The following SEPTIN11 variants were observed in gnomAD, a reference collection of about 807,000 sequenced individuals.
The protein encoded by SEPTIN11 is septin-11.
Under a neutral mutation model 51.4 loss-of-function variants are expected in SEPTIN11, and 25 were observed. The observed-to-expected ratio is 0.49, with a 90% CI of 0.35 to 0.68. The LOEUF (loss-of-function observed/expected upper bound fraction) is 0.68, where lower values mean the gene tolerates loss of function less well. Among genes scored for constraint, SEPTIN11 ranks in the 30% least tolerant of loss-of-function variants. SEPTIN11 has a pLI of 0.00. For missense variants in SEPTIN11, 381 were observed against 520.8 expected, an observed-to-expected ratio of 0.73 and a Z score of 2.61; for synonymous variants, 174 against 184.1, an observed-to-expected ratio of 0.95 and a Z score of 0.44.
intron 1 of SEPTIN11, among the ~76,000 whole-genome samples, chr4:76,990,517 C>T (rs542637654): frequency 1.3e-5 from 2 of 152,266 alleles, no homozygotes; most frequent in African/African-American, 2.4e-5. Context: ...TCAGCATTAC[C>T]GCCTGAGTTC....
chr4:76,954,142 G>A (rs1721462580), intron 1 of SEPTIN11, among the ~76,000 whole-genome samples: 4 of 152,242 alleles, frequency 2.6e-5, no homozygotes, highest in Admixed American at 2.6e-4. Flanking sequence ...TGGCCTACTT[G>A]ATTGATTGCC....
Position 77,037,796 on chromosome 4 carries a change from A to G in SEPTIN11, c.*3284A>G. The stretch of plus-strand genomic sequence containing the variant: ...TTTTCCCAACTTAGGCTCTTTATTA[A>G]TTGGTTAAGGTTTTCTCCAAAAAGG... On this transcript the variant is annotated 3_prime_UTR_variant, in exon 10 of 10. Coordinates refer to ENST00000264893, the MANE Select transcript of SEPTIN11 (RefSeq NM_018243.4). 2 of 985,872 alleles carry G rather than the reference A, an allele frequency of 2.0e-6. No individual in the cohort carries two copies. The highest frequency in any genetic ancestry group is 2.4e-6 in the Non-Finnish European group (2 of 829,936). The allele number at this position is 985,872 out of a possible 1,614,324, so 61.1% of individuals were successfully genotyped here.
At chr4:77,027,327 A>G (rs1160534223) in intron 7 of SEPTIN11, among the ~76,000 whole-genome samples, 1 of 151,942 alleles carries the variant, frequency 6.6e-6, no homozygotes, top group Non-Finnish European at 1.5e-5. Context: ...GTAGAGATGG[A>G]GTTTCACCAT....
Position 76,981,409 on chromosome 4 carries a change from T to C in SEPTIN11, c.28-15016T>C, listed in dbSNP as rs116208424. Among the ~76,000 whole-genome samples the C allele has an allele frequency of 3.7e-3, 569 of 152,342 alleles. 4 individuals are homozygous for C. The highest frequency in any genetic ancestry group is 0.013 in the African/African-American group (537 of 41,586). ...AAGAAAGCCAGCATATAAAATCTTC[T>C]ATCAATAGGAGAACTTTGAGAAAAG... On this transcript the variant is annotated intron_variant, in intron 1 of 9. Transcript: ENST00000264893.
intron 3 of SEPTIN11, among the ~76,000 whole-genome samples, chr4:77,006,464 A>G (rs1055425132): frequency 1.3e-5 from 2 of 152,270 alleles, no homozygotes; most frequent in Middle Eastern, 3.4e-3. Context: ...AAGAGCACCA[A>G]TTCTGTTCAT....
At chr4:77,004,889 G>A (rs1724370719) in intron 2 of SEPTIN11, among the ~76,000 whole-genome samples, 1 of 152,162 alleles carries the variant, frequency 6.6e-6, no homozygotes, top group Non-Finnish European at 1.5e-5. Context: ...CTTGAATCCA[G>A]GAGATGAAGG....
intron 1 of SEPTIN11, among the ~76,000 whole-genome samples, chr4:76,985,852 G>A (rs774548098): frequency 6.6e-6 from 1 of 152,106 alleles, no homozygotes; most frequent in East Asian, 1.9e-4. Flanking sequence ...ACAACAAGGC[G>A]CTTACAAATT....
intron 4 of SEPTIN11, among the ~76,000 whole-genome samples, chr4:77,013,677 T>C (rs1725027147): frequency 6.6e-6 from 1 of 152,194 alleles, no homozygotes; most frequent in Admixed American, 6.5e-5. Flanking sequence ...GGTTGAGGAA[T>C]AGGTTGAAGA....
rs1725293549 is a variant in SEPTIN11, at chr4:77,016,633, C to CATATATATATATATATATATACACAT, written c.687+1637_687+1638insCACATATATATATATATATATATATA. Among the ~76,000 whole-genome samples, 18 of 72,742 alleles carry CATATATATATATATATATATACACAT rather than the reference C, an allele frequency of 2.5e-4. 1 individual carries two copies. The highest frequency in any genetic ancestry group is 3.2e-4 in the Non-Finnish European group (12 of 37,034). 47.7% of individuals were successfully genotyped at this position (72,742 alleles called of 152,430 possible). On this transcript the variant is annotated intron_variant, in intron 5 of 9. Transcript: ENST00000264893. Reference sequence around the variant, plus strand: ...ATATACACATATATATATATATACACATATATATATATATATATATATACA... The same window carrying CATATATATATATATATATATACACAT: ...ATATACACATATATATATATATACACATATATATATATATATATATACACATATATATATATATATATATATATACA...
intron 1 of SEPTIN11, among the ~76,000 whole-genome samples, chr4:76,952,274 C>T (rs1721381646): frequency 6.6e-6 from 1 of 151,984 alleles, no homozygotes; most frequent in African/African-American, 2.4e-5. Flanking sequence ...GTGATTTCAC[C>T]AAAAGAAAGG....
chr4:77,037,312 A>C lies in SEPTIN11; in HGVS notation c.*2800A>C. ...GGGAGATGGAGGTTGCAGTGAGCCAAGATTGCACCACTGCATTCCAACCTG... is the reference window on the plus strand; with the variant it reads ...GGGAGATGGAGGTTGCAGTGAGCCACGATTGCACCACTGCATTCCAACCTG... On this transcript the variant is annotated 3_prime_UTR_variant, in exon 10 of 10. Transcript: ENST00000264893. The C allele has an allele frequency of 1.1e-6, 1 of 916,530 alleles. No homozygotes were observed. Among genetic ancestry groups the C allele is most frequent in the Admixed American group, 6.2e-5 (1 of 16,216 alleles). The allele number at this position is 916,530 out of a possible 1,614,324, so 56.8% of individuals were successfully genotyped here.
At chr4:77,016,373 C>T (rs1291983778) in intron 5 of SEPTIN11, among the ~76,000 whole-genome samples, 3 of 150,112 alleles carry the variant, frequency 2.0e-5, no homozygotes, top group Non-Finnish European at 3.0e-5. Context: ...TACTGCCGCC[C>T]GAGCAGAGCA....
chr4:76,979,468 TG>T (rs997620853), intron 1 of SEPTIN11, among the ~76,000 whole-genome samples: 5 of 152,214 alleles, frequency 3.3e-5, no homozygotes, highest in Admixed American at 6.5e-5. Flanking sequence ...ACTTAGAATC[TG>T]GCAAAACTGG....
At chr4:76,969,247 T>C (rs1722147758) in intron 1 of SEPTIN11, among the ~76,000 whole-genome samples, 1 of 152,192 alleles carries the variant, frequency 6.6e-6, no homozygotes, top group Admixed American at 6.5e-5. Flanking sequence ...TCTGGGACTC[T>C]TGAACACATT....
Position 77,028,174 on chromosome 4 carries a change from C to T in SEPTIN11, c.954-455C>T, listed in dbSNP as rs558165549. Among the ~76,000 whole-genome samples the T allele has an allele frequency of 9.2e-5, 14 of 152,256 alleles. No individual in the cohort carries two copies. The East Asian group carries it at 9.6e-4, about 10-fold the overall frequency. ...TAGAAGGTAAGTGTCACTGTATCCA[C>T]GTCTTAGACCTTGGAGGCTGAGGGA... On this transcript the variant is annotated intron_variant, in intron 7 of 9. Transcript: ENST00000264893.
At chr4:76,950,836 C>T (rs1357210270) in intron 1 of SEPTIN11, among the ~76,000 whole-genome samples, 2 of 152,180 alleles carry the variant, frequency 1.3e-5, no homozygotes, top group African/African-American at 2.4e-5. Flanking sequence ...GAAGGGGCGG[C>T]GGCGGCCTTT....
chr4:77,006,794 G>A (rs958615632), intron 3 of SEPTIN11, among the ~76,000 whole-genome samples: 3 of 152,090 alleles, frequency 2.0e-5, no homozygotes, highest in African/African-American at 4.8e-5. Flanking sequence ...AGAGGAACTC[G>A]ACTATTTTTA....
At chr4:76,982,966 C>G (rs563616594) in intron 1 of SEPTIN11, among the ~76,000 whole-genome samples, 1 of 151,266 alleles carries the variant, frequency 6.6e-6, no homozygotes, top group East Asian at 1.9e-4. Flanking sequence ...TTTTTTTTAG[C>G]TGGGGAAATG....
intron 6 of SEPTIN11, 143 bp from the exon 7 acceptor site, chr4:77,020,359 G>A (rs1725613930): frequency 1.1e-5 from 11 of 958,566 alleles, no homozygotes; most frequent in Non-Finnish European, 1.6e-5. Flanking sequence ...AATGTAAGGT[G>A]AATCCAGTAA....
Sources: allele counts gnomAD v4.1 joint callset (sites outside exome capture counted in the v4.1 genomes callset), GRCh38; gene constraint gnomAD v4.1.1; transcripts MANE v1.5; gene names NCBI Gene and HGNC (gene_info 2026-07-23, HGNC 2026-07-21).